The following NFIB variants were observed in gnomAD, a reference collection of about 807,000 sequenced individuals.
The protein encoded by NFIB is nuclear factor I B.
Under a neutral mutation model 61.5 loss-of-function variants are expected in NFIB, and 11 were observed. That is an observed-to-expected ratio of 0.18 (90% CI 0.11 to 0.30). The LOEUF is 0.30. Among genes scored for constraint, NFIB ranks in the 10% least tolerant of loss-of-function variants. NFIB has a pLI of 1.00. For missense variants in NFIB, 471 were observed against 608.9 expected, an observed-to-expected ratio of 0.77 and a Z score of 2.38; for synonymous variants, 260 against 216.5, an observed-to-expected ratio of 1.20 and a Z score of -1.76.
chr9:14,448,873 C>G, the NFIB span, among the ~76,000 whole-genome samples: 1 of 152,082 alleles, frequency 6.6e-6, no homozygotes, highest in Non-Finnish European at 1.5e-5. Context: ...GTCTGCTACA[C>G]CTGCGTAAAT....
At chr9:14,427,937 G>GTTTTTTTGTTTTTT in the NFIB span, among the ~76,000 whole-genome samples, 1 of 43,384 alleles carries the variant, frequency 2.3e-5, no homozygotes. Context: ...TAATTCAGTT[G>GTTTTTTTGTTTTTT]TTTTTTTTTT....
chr9:14,516,002 G>C, the NFIB span, among the ~76,000 whole-genome samples: 7 of 152,362 alleles, frequency 4.6e-5, no homozygotes, highest in Admixed American at 2.0e-4. Flanking sequence ...GGCTCCGCTT[G>C]CTCATCTGTC....
At chr9:14,499,648 A>G in the NFIB span, among the ~76,000 whole-genome samples, 1 of 152,168 alleles carries the variant, frequency 6.6e-6, no homozygotes, top group African/African-American at 2.4e-5. Context: ...AATGCTTGTG[A>G]AGGGGAATTG....
At chr9:14,444,217 A>G in the NFIB span, among the ~76,000 whole-genome samples, 1 of 152,228 alleles carries the variant, frequency 6.6e-6, no homozygotes, top group South Asian at 2.1e-4. Context: ...GCTTAGGGTT[A>G]GAGTAAGAGG....
At chr9:14,221,355 T>C (rs79795498) in intron 2 of NFIB, among the ~76,000 whole-genome samples, 3,579 of 152,294 alleles carry the variant, frequency 0.024, 143 homozygotes, top group African/African-American at 0.08. Flanking sequence ...AAGAACTCTA[T>C]AAGGTATAAA....
the NFIB span, among the ~76,000 whole-genome samples, chr9:14,425,583 T>C: frequency 4.0e-5 from 6 of 151,644 alleles, no homozygotes; most frequent in African/African-American, 1.5e-4. Flanking sequence ...TTTAGTGTGA[T>C]TGAAATTTCA....
At chr9:14,528,419 TTGG>T in the NFIB span, among the ~76,000 whole-genome samples, 1 of 152,152 alleles carries the variant, frequency 6.6e-6, no homozygotes, top group African/African-American at 2.4e-5. Flanking sequence ...AGCAGACTGA[TTGG>T]TGTTCAACAA....
At chr9:14,258,691 A>C (rs1374975691) in intron 2 of NFIB, among the ~76,000 whole-genome samples, 1 of 152,232 alleles carries the variant, frequency 6.6e-6, no homozygotes, top group Admixed American at 6.5e-5. Flanking sequence ...TTACTTTTCC[A>C]TTATACCCCA....
At chr9:14,219,199 T>C (rs933204369) in intron 2 of NFIB, among the ~76,000 whole-genome samples, 34 of 151,946 alleles carry the variant, frequency 2.2e-4, no homozygotes, top group African/African-American at 6.8e-4. Context: ...TTTAAAGGAG[T>C]TTTGCATTTG....
At chr9:14,408,108 T>C in the NFIB span, among the ~76,000 whole-genome samples, 1 of 152,314 alleles carries the variant, frequency 6.6e-6, no homozygotes, top group Admixed American at 6.5e-5. Flanking sequence ...TTGCCAATTA[T>C]GTTAGCTCCA....
At chr9:14,344,233 C>CAG (rs1232389776) in intron 1 of NFIB, among the ~76,000 whole-genome samples, 6 of 151,754 alleles carry the variant, frequency 4.0e-5, no homozygotes, top group Admixed American at 2.0e-4. Flanking sequence ...GAGGCACACA[C>CAG]AGAGAGAGTC....
intron 1 of NFIB, among the ~76,000 whole-genome samples, chr9:14,355,785 T>G (rs949607199): frequency 2.0e-5 from 3 of 152,092 alleles, no homozygotes; most frequent in African/African-American, 7.2e-5. Flanking sequence ...TGAAACCCTG[T>G]CTCTACTAAA....
chr9:14,367,957 T>C (rs954525247), intron 1 of NFIB, among the ~76,000 whole-genome samples: 5 of 151,822 alleles, frequency 3.3e-5, no homozygotes, highest in Non-Finnish European at 5.9e-5. Flanking sequence ...GCAGCAAACC[T>C]CCATGGCACG....
intron 2 of NFIB, among the ~76,000 whole-genome samples, chr9:14,216,546 CTGTGTG>C (rs372536644): frequency 3.2e-4 from 7 of 21,548 alleles, no homozygotes; most frequent in African/African-American, 1.2e-3. Flanking sequence ...CTCTCTCCCT[CTGTGTG>C]TGTGTGTGTG....
intron 2 of NFIB, among the ~76,000 whole-genome samples, chr9:14,298,548 G>C (rs541819291): frequency 4.6e-5 from 7 of 152,048 alleles, no homozygotes; most frequent in Non-Finnish European, 1.0e-4. Context: ...TTGTAGCAAG[G>C]AGGGCTGCAA....
intron 2 of NFIB, 137 bp from the exon 3 acceptor site, chr9:14,179,917 C>T (rs1563871083): frequency 1.4e-6 from 1 of 712,346 alleles, no homozygotes; most frequent in African/African-American, 1.8e-5. Flanking sequence ...TTTCCCAAGA[C>T]TTTTGATAGA....
chr9:14,125,739 T>G lies in NFIB; in HGVS notation c.953A>C (p.Lys318Thr). The change falls in exon 7 of 11, where the codon AAG becomes ACG. Residue 318 changes from lysine (K) to threonine (T), a missense_variant. This residue lies in a region of NFIB where 372 missense variants were observed against 395.6 expected (regional missense o/e 0.94). Transcript: ENST00000380953. ...AGAGCTGAACAATGGCTTTTCAGGC[T>G]TCTTCATAGTAGTCGGAGAAGACAT... Reference protein sequence around the residue: ...QDMSSPTTMKKPEKPLFSSAS... With the variant: ...QDMSSPTTMKTPEKPLFSSAS... The G allele has an allele frequency of 6.2e-7, 1 of 1,614,152 alleles. No individual in the cohort carries two copies. Among genetic ancestry groups the G allele is most frequent in the Non-Finnish European group, 8.5e-7 (1 of 1,180,000 alleles).
At chr9:14,340,236 G>A (rs1225680716) in intron 1 of NFIB, among the ~76,000 whole-genome samples, 2 of 152,150 alleles carry the variant, frequency 1.3e-5, no homozygotes, top group East Asian at 1.9e-4. Context: ...AGTGCCTACC[G>A]ACTTCATCTT....
the NFIB span, among the ~76,000 whole-genome samples, chr9:14,424,399 G>A: frequency 6.6e-6 from 1 of 152,176 alleles, no homozygotes; most frequent in Non-Finnish European, 1.5e-5. Flanking sequence ...GGAATTCACA[G>A]AACACATTAG....
Sources: gnomAD v4.1 joint callset for allele counts (sites outside exome capture counted in the v4.1 genomes callset) on GRCh38, gnomAD v4.1.1 for gene constraint, gnomAD v4.1.1 regional missense constraint, MANE v1.5 for transcripts, NCBI Gene and HGNC (gene_info 2026-07-23, HGNC 2026-07-21) for gene names.